The following TMEM266 variants were observed in gnomAD, a reference collection of about 807,000 sequenced individuals.
The protein encoded by TMEM266 is Hv1 related protein 1.
TMEM266 carries 33 observed loss-of-function variants against 50.5 expected under a neutral mutation model. The ratio of observed to expected loss-of-function variants is 0.65; its 90% CI spans 0.50 to 0.87. The LOEUF is 0.87. Among genes scored for constraint, TMEM266 ranks in the 40% least tolerant of loss-of-function variants. TMEM266 has a pLI of 0.00. For synonymous variants in TMEM266, 310 were observed against 292.3 expected (o/e 1.06, Z -0.62); for missense variants, 655 against 695.1 (o/e 0.94, Z 0.65).
At chr15:76,175,440 A>T in intron 7 of TMEM266, 119 bp from the exon 8 acceptor site, 1 of 699,770 alleles carries the variant, frequency 1.4e-6, no homozygotes, top group Non-Finnish European at 2.5e-6. Flanking sequence ...TTCCCCTTCT[A>T]GATCCACAGA....
chr15:76,111,865 C>T (rs1001023034), intron 1 of TMEM266, among the ~76,000 whole-genome samples: 2 of 152,224 alleles, frequency 1.3e-5, no homozygotes, highest in Non-Finnish European at 2.9e-5. Flanking sequence ...TTGCCAAACA[C>T]TGGAAGTAAC....
chr15:76,124,667 T>C (rs1470636412), intron 1 of TMEM266, among the ~76,000 whole-genome samples: 1 of 152,044 alleles, frequency 6.6e-6, no homozygotes, highest in Non-Finnish European at 1.5e-5. Context: ...AGCATAATAG[T>C]GCGTGCCTGT....
chr15:76,177,243 A>G (rs1484864953), intron 8 of TMEM266, among the ~76,000 whole-genome samples: 2 of 152,072 alleles, frequency 1.3e-5, no homozygotes, highest in Non-Finnish European at 2.9e-5. Context: ...CCTTAGTCCA[A>G]CTCACATCCG....
intron 1 of TMEM266, among the ~76,000 whole-genome samples, chr15:76,064,389 A>G (rs942453557): frequency 1.3e-5 from 2 of 151,938 alleles, no homozygotes; most frequent in African/African-American, 2.4e-5. Flanking sequence ...GAAGGACTCC[A>G]CATATATCTT....
chr15:76,117,907 T>A (rs1183214965), intron 1 of TMEM266, among the ~76,000 whole-genome samples: 1 of 152,216 alleles, frequency 6.6e-6, no homozygotes, highest in Non-Finnish European at 1.5e-5. Context: ...GAAACACAGG[T>A]TCCTGATCTC....
At chr15:76,087,192 T>C (rs2141995725) in intron 1 of TMEM266, among the ~76,000 whole-genome samples, 1 of 152,202 alleles carries the variant, frequency 6.6e-6, no homozygotes, top group Non-Finnish European at 1.5e-5. Context: ...AAAGACTTCT[T>C]TGGAAGTGGT....
Position 76,204,345 on chromosome 15 carries a change from G to GA in TMEM266, c.*31dup. 2 of 1,552,156 alleles carry GA rather than the reference G, an allele frequency of 1.3e-6. No homozygotes were observed. The highest frequency in any genetic ancestry group is 2.4e-5 in the South Asian group (2 of 83,426). ...TGCCATGGGCTGGGTGAGATGAGGG[G>GA]AGACAGCCATCTCAAAGCTCTCCTG... On this transcript the variant is annotated 3_prime_UTR_variant, in exon 11 of 11. Coordinates refer to ENST00000388942, the MANE Select transcript of TMEM266 (RefSeq NM_152335.3).
chr15:76,173,311 CAG>C (rs2038215661), intron 7 of TMEM266, among the ~76,000 whole-genome samples: 2 of 152,246 alleles, frequency 1.3e-5, no homozygotes, highest in South Asian at 4.1e-4. Flanking sequence ...TTCTAGAAAT[CAG>C]GGGCAAGAGA....
At chr15:76,156,842 T>G (rs2037935369) in intron 4 of TMEM266, 84 bp downstream of exon 4, 1 of 1,412,638 alleles carries the variant, frequency 7.1e-7, no homozygotes, top group African/African-American at 1.4e-5. Flanking sequence ...GTCCCCAACC[T>G]GCAGGCTGTG....
chr15:76,147,783 C>T (rs905215173), intron 3 of TMEM266, among the ~76,000 whole-genome samples: 4 of 152,194 alleles, frequency 2.6e-5, no homozygotes, highest in African/African-American at 9.6e-5. Context: ...GTAATCCCAA[C>T]ACTTTGGGAG....
intron 3 of TMEM266, among the ~76,000 whole-genome samples, chr15:76,147,334 T>G (rs1330663064): frequency 6.6e-6 from 1 of 152,206 alleles, no homozygotes; most frequent in East Asian, 1.9e-4. Context: ...AAAAGCCTTT[T>G]GGGGTTCAGG....
chr15:76,114,328 T>G (rs540749644), intron 1 of TMEM266: 1 of 152,298 alleles, frequency 6.6e-6, no homozygotes, highest in African/African-American at 2.4e-5. Context: ...AAGACCAGCC[T>G]GGGAAACATG....
At chr15:76,101,749 C>T (rs138856166) in intron 1 of TMEM266, among the ~76,000 whole-genome samples, 188 of 152,356 alleles carry the variant, frequency 1.2e-3, no homozygotes, top group Non-Finnish European at 2.0e-3. Flanking sequence ...TCCTTTATCA[C>T]CCTCAGACTG....
At chr15:76,175,717 G>T (rs757498047) in intron 8 of TMEM266, 43 bp downstream of exon 8, 1 of 1,524,374 alleles carries the variant, frequency 6.6e-7, no homozygotes, top group South Asian at 1.1e-5. Context: ...GTCTTGCTGG[G>T]GACACTGGTA....
intron 1 of TMEM266, among the ~76,000 whole-genome samples, chr15:76,130,238 A>C (rs1422677541): frequency 7.4e-6 from 1 of 135,370 alleles, no homozygotes; most frequent in Non-Finnish European, 1.6e-5. Context: ...AAAAAAAAAA[A>C]AAAAAAAAAA....
intron 1 of TMEM266, among the ~76,000 whole-genome samples, chr15:76,095,291 A>C (rs930468928): frequency 1.3e-5 from 2 of 152,082 alleles, no homozygotes; most frequent in African/African-American, 4.8e-5. Context: ...ACATTCCATC[A>C]ATACCTAGTT....
intron 1 of TMEM266, among the ~76,000 whole-genome samples, chr15:76,073,274 C>G (rs902363734): frequency 2.0e-5 from 3 of 151,248 alleles, no homozygotes; most frequent in Non-Finnish European, 4.4e-5. Context: ...TCTCCATCAC[C>G]CAGGCTGGAG....
At position 76,204,409 on chromosome 15, in the gene TMEM266, G is replaced by T; in HGVS notation, c.*94G>T. 1 of 1,264,542 alleles carries T rather than the reference G, an allele frequency of 7.9e-7. No individual in the cohort carries two copies. Among genetic ancestry groups the T allele is most frequent in the Non-Finnish European group, 1.1e-6 (1 of 916,886 alleles). The allele number at this position is 1,264,542 out of a possible 1,614,324, so 78.3% of individuals were successfully genotyped here. A position where few individuals can be genotyped will look rare whatever the true frequency, so the allele number is the denominator to read the frequency against. ...TGCCAAGGGCCACACGCGGGGCCCA[G>T]GAGCCCACCTGGCCTCCCTCAGGGT... is the stretch of plus-strand genomic sequence containing the variant. On this transcript the variant is annotated 3_prime_UTR_variant, in exon 11 of 11. Transcript: ENST00000388942.
chr15:76,082,961 TC>T (rs2036717468), intron 1 of TMEM266, among the ~76,000 whole-genome samples: 1 of 148,924 alleles, frequency 6.7e-6, no homozygotes, highest in South Asian at 2.1e-4. Flanking sequence ...AGAGCAAGAC[TC>T]TGTCTAAAAA....
Sources: allele counts gnomAD v4.1 joint callset (sites outside exome capture counted in the v4.1 genomes callset), GRCh38; gene constraint gnomAD v4.1.1; transcripts MANE v1.5; gene names NCBI Gene and HGNC (gene_info 2026-07-23, HGNC 2026-07-21).